The following PRKAA2 variants were observed in gnomAD, a reference collection of about 807,000 sequenced individuals.
The protein encoded by PRKAA2 is 5'-AMP-activated protein kinase catalytic subunit alpha-2.
PRKAA2 carries 40 observed loss-of-function variants against 56.3 expected under a neutral mutation model. That is an observed-to-expected ratio of 0.71 (90% CI 0.55 to 0.92). The LOEUF (loss-of-function observed/expected upper bound fraction) is 0.92, where lower values mean the gene tolerates loss of function less well. Ranked by LOEUF, PRKAA2 falls within the 40% of genes least tolerant of loss-of-function variation. The pLI is 0.00. For synonymous variants in PRKAA2, 214 were observed against 234.2 expected, an observed-to-expected ratio of 0.91 and a Z score of 0.79; for missense variants, 542 against 686.9, an observed-to-expected ratio of 0.79 and a Z score of 2.36.
rs766361181 is a variant in PRKAA2, at chr1:56,691,525, C to T, written c.330+38C>T. The T allele has an allele frequency of 1.1e-5, 17 of 1,502,156 alleles. 1 individual carries two copies. The Middle Eastern group carries it at 8.6e-4, about 76-fold the overall frequency. The allele number at this position is 1,502,156 out of a possible 1,614,324, so 93.1% of individuals were successfully genotyped here. On this transcript the variant is annotated intron_variant, in intron 3 of 8. Coordinates refer to ENST00000371244, the MANE Select transcript of PRKAA2 (RefSeq NM_006252.4). Reference sequence around the variant, plus strand: ...CTATCTGGTACACTAAATCTCTAAACTAATAAAAAGGAAAGTATTGGGACA... The same window carrying T: ...CTATCTGGTACACTAAATCTCTAAATTAATAAAAAGGAAAGTATTGGGACA...
intron 2 of PRKAA2, among the ~76,000 whole-genome samples, chr1:56,677,854 G>A (rs1323573248): frequency 6.6e-6 from 1 of 151,844 alleles, no homozygotes; most frequent in Non-Finnish European, 1.5e-5. Flanking sequence ...CAGGCTTTCC[G>A]CCATTTTGCC....
chr1:56,662,572 C>T (rs903601596), intron 1 of PRKAA2, among the ~76,000 whole-genome samples: 95 of 152,246 alleles, frequency 6.2e-4, no homozygotes, highest in African/African-American at 2.2e-3. Context: ...CAGGCATGAG[C>T]CACCATGCCC....
chr1:56,691,548 A>G, intron 3 of PRKAA2, 61 bp downstream of exon 3: 1 of 1,322,470 alleles, frequency 7.6e-7, no homozygotes, highest in Non-Finnish European at 1.0e-6. Context: ...AAGTATTGGG[A>G]CATAGAACAA....
chr1:56,657,898 A>G (rs1314576941), intron 1 of PRKAA2, among the ~76,000 whole-genome samples: 1 of 152,214 alleles, frequency 6.6e-6, no homozygotes, highest in African/African-American at 2.4e-5. Flanking sequence ...AAATGCAAAA[A>G]GAAATGAAGA....
intron 1 of PRKAA2, among the ~76,000 whole-genome samples, chr1:56,670,550 A>G (rs1017901254): frequency 3.3e-5 from 5 of 152,162 alleles, no homozygotes; most frequent in African/African-American, 1.2e-4. Flanking sequence ...TAATAGTTAC[A>G]AGAGAGGCTA....
At chr1:56,700,734 C>G (rs1644288342) in intron 6 of PRKAA2, among the ~76,000 whole-genome samples, 1 of 152,076 alleles carries the variant, frequency 6.6e-6, no homozygotes, top group Admixed American at 6.6e-5. Flanking sequence ...TGGAGGTTTC[C>G]AGAGAACTGC....
At chr1:56,684,125 G>T (rs1228717070) in intron 2 of PRKAA2, among the ~76,000 whole-genome samples, 1 of 152,126 alleles carries the variant, frequency 6.6e-6, no homozygotes, top group Admixed American at 6.6e-5. Flanking sequence ...AATGTGAGTT[G>T]TGAGAGGAAA....
chr1:56,691,346 T>C, intron 2 of PRKAA2, 48 bp from the exon 3 acceptor site: 1 of 1,381,096 alleles, frequency 7.2e-7, no homozygotes, highest in Non-Finnish European at 1.0e-6. Flanking sequence ...CAGTTTGATT[T>C]TGGTTAAAGT....
rs547547929 is a variant in PRKAA2 at position 56,645,511 on chromosome 1, G to A, written c.94+30G>A. ...AGTACGCGCTCCGGACCGCTGTGCG[G>A]GGCTGCCTGACTTGCGGGAGGCCGA... On this transcript the variant is annotated intron_variant, in intron 1 of 8. Transcript: ENST00000371244. 8.3e-6 allele frequency: 12 copies of A among 1,445,330 alleles called. No individual in the cohort carries two copies. In the South Asian group the frequency reaches 1.5e-4, roughly 18 times the overall value. 89.5% of individuals were successfully genotyped at this position (1,445,330 alleles called of 1,614,324 possible).
rs546281514 is a variant in PRKAA2, at chr1:56,650,976, C to A, written c.94+5495C>A. Among the ~76,000 whole-genome samples the A allele has an allele frequency of 3.7e-4, 57 of 152,332 alleles. 1 individual carries two copies. The East Asian group carries it at 0.01, about 27-fold the overall frequency. ...AAATGATAAATCAAATTTCACACAA[C>A]TGTCCCATCAATTGATGGAGCTAAA... On this transcript the variant is annotated intron_variant, in intron 1 of 8. Coordinates refer to ENST00000371244, the MANE Select transcript of PRKAA2 (RefSeq NM_006252.4).
intron 1 of PRKAA2, among the ~76,000 whole-genome samples, chr1:56,670,840 A>T (rs1198431810): frequency 2.0e-5 from 3 of 152,132 alleles, no homozygotes; most frequent in African/African-American, 7.2e-5. Flanking sequence ...TTTATTTCTC[A>T]TCTACTCTTT....
intron 2 of PRKAA2, among the ~76,000 whole-genome samples, chr1:56,680,506 C>G (rs962898675): frequency 6.6e-6 from 1 of 152,138 alleles, no homozygotes; most frequent in Non-Finnish European, 1.5e-5. Context: ...TATCCCTCCC[C>G]TCTCCTGCCA....
chr1:56,693,353 C>T (rs1440728100), intron 4 of PRKAA2, among the ~76,000 whole-genome samples: 2 of 152,076 alleles, frequency 1.3e-5, no homozygotes, highest in African/African-American at 2.4e-5. Context: ...TGGGGCCCAT[C>T]TGGTTTCTAA....
chr1:56,645,370 A>C lies in PRKAA2; in HGVS notation c.-18A>C. ...ACGCGGAGCGGCAGGCGGTGGAGCGAGGCCGCGCGCGCCGAAGATGGCTGA... is the reference window on the plus strand; with the variant it reads ...ACGCGGAGCGGCAGGCGGTGGAGCGCGGCCGCGCGCGCCGAAGATGGCTGA... On this transcript the variant is annotated 5_prime_UTR_variant, in exon 1 of 9. Transcript: ENST00000371244. 6.9e-7 allele frequency: 1 copy of C among 1,454,352 alleles called. No individual in the cohort carries two copies. The highest frequency in any genetic ancestry group is 9.1e-7 in the Non-Finnish European group (1 of 1,093,052). 90.1% of individuals were successfully genotyped at this position (1,454,352 alleles called of 1,614,324 possible). A position where few individuals can be genotyped will look rare whatever the true frequency, so the allele number is the denominator to read the frequency against.
At chr1:56,682,727 A>G (rs1036886241) in intron 2 of PRKAA2, among the ~76,000 whole-genome samples, 9 of 152,192 alleles carry the variant, frequency 5.9e-5, no homozygotes, top group Admixed American at 3.9e-4. Flanking sequence ...AGCTATTGCT[A>G]TAGTCTACCT....
chr1:56,687,320 C>A (rs1011422382), intron 2 of PRKAA2, among the ~76,000 whole-genome samples: 3 of 151,944 alleles, frequency 2.0e-5, no homozygotes, highest in African/African-American at 7.3e-5. Flanking sequence ...GAGCGTGATA[C>A]CTGGTTTTTA....
At chr1:56,697,423 C>G (rs1644266140) in intron 6 of PRKAA2, among the ~76,000 whole-genome samples, 1 of 152,066 alleles carries the variant, frequency 6.6e-6, no homozygotes, top group African/African-American at 2.4e-5. Context: ...CAGGCAAGGA[C>G]TGATGATTCT....
rs1486873722 is a variant in PRKAA2, at chr1:56,709,317, G to A, written c.*1604G>A. On this transcript the variant is annotated 3_prime_UTR_variant, in exon 9 of 9. Coordinates refer to ENST00000371244, the MANE Select transcript of PRKAA2 (RefSeq NM_006252.4). ...TCTTTGAATCAGGAGTTTGCGTTGTGTCACATCATATGGCTTTGCAGATCT... is the reference window on the plus strand; with the variant it reads ...TCTTTGAATCAGGAGTTTGCGTTGTATCACATCATATGGCTTTGCAGATCT... 2.0e-5 allele frequency: 3 copies of A among 152,154 alleles called. No homozygotes were observed. Among genetic ancestry groups the A allele is most frequent in the African/African-American group, 7.2e-5 (3 of 41,446 alleles). 9.4% of individuals were successfully genotyped at this position (152,154 alleles called of 1,614,324 possible).
At chr1:56,700,171 A>AT (rs1644284997) in intron 6 of PRKAA2, among the ~76,000 whole-genome samples, 1 of 152,018 alleles carries the variant, frequency 6.6e-6, no homozygotes, top group Admixed American at 6.6e-5. Flanking sequence ...TCCTGATCTG[A>AT]TTCTGTAAAA....
Sources: allele counts gnomAD v4.1 joint callset (sites outside exome capture counted in the v4.1 genomes callset), GRCh38; gene constraint gnomAD v4.1.1; transcripts MANE v1.5; gene names NCBI Gene and HGNC (gene_info 2026-07-23, HGNC 2026-07-21).